The following RBPMS variants were observed in gnomAD, a reference collection of about 807,000 sequenced individuals.
RBPMS encodes RNA-binding protein with multiple splicing.
In RBPMS, 7 loss-of-function variants were observed where a neutral mutation model predicts 26.8. That is an observed-to-expected ratio of 0.26 (90% confidence interval 0.15 to 0.49). The LOEUF is 0.49. RBPMS is among the 20% of genes least tolerant of loss of function. The pLI, the probability that RBPMS is intolerant of heterozygous loss-of-function variation, is 0.98. For missense variants in RBPMS, 186 were observed against 250.0 expected (o/e 0.74, Z 1.73); for synonymous variants, 96 against 93.3 (o/e 1.03, Z -0.17).
At chr8:30,545,289 C>G (rs1010402855) in intron 6 of RBPMS, 12 of 1,200,894 alleles carry the variant, frequency 1.0e-5, no homozygotes, top group Non-Finnish European at 1.3e-5. Flanking sequence ...AAACAAACTT[C>G]CTGTTTCTCC....
chr8:30,529,231 A>T (rs1423849903), intron 5 of RBPMS, among the ~76,000 whole-genome samples: 1 of 152,028 alleles, frequency 6.6e-6, no homozygotes, highest in African/African-American at 2.4e-5. Context: ...AAAAAAAAAA[A>T]TTGTGGTAAA....
chr8:30,563,415 G>A (rs1490311213), intron 7 of RBPMS, among the ~76,000 whole-genome samples: 3 of 152,068 alleles, frequency 2.0e-5, no homozygotes. Context: ...TACATGCAGT[G>A]AGAGTGAGGC....
chr8:30,559,053 C>T, intron 7 of RBPMS, 97 bp downstream of exon 7: 2 of 966,590 alleles, frequency 2.1e-6, no homozygotes, highest in Non-Finnish European at 3.3e-6. Context: ...TTTCTCTGCA[C>T]CCACACCTTA....
intron 1 of RBPMS, among the ~76,000 whole-genome samples, chr8:30,388,243 A>G (rs1007478978): frequency 2.6e-5 from 4 of 151,986 alleles, no homozygotes; most frequent in East Asian, 1.9e-4. Flanking sequence ...ATATTTTACA[A>G]TTGATAAAAT....
At chr8:30,411,376 C>T (rs1342468606) in intron 1 of RBPMS, among the ~76,000 whole-genome samples, 2 of 151,996 alleles carry the variant, frequency 1.3e-5, no homozygotes, top group African/African-American at 4.8e-5. Context: ...TGAGAAATTT[C>T]CCTCTTGGCC....
At chr8:30,559,085 T>C (rs1563452356) in intron 7 of RBPMS, 129 bp downstream of exon 7, 1 of 762,588 alleles carries the variant, frequency 1.3e-6, no homozygotes, top group South Asian at 1.6e-5. Flanking sequence ...TGTCCATCTT[T>C]GTTAAACTCA....
At chr8:30,567,960 G>A (rs1828011980) in intron 8 of RBPMS, among the ~76,000 whole-genome samples, 1 of 152,212 alleles carries the variant, frequency 6.6e-6, no homozygotes, top group African/African-American at 2.4e-5. Context: ...TCAGACAACA[G>A]TGCTTATGTG....
intron 1 of RBPMS, among the ~76,000 whole-genome samples, chr8:30,468,886 G>T (rs2150807982): frequency 7.1e-6 from 1 of 140,794 alleles, no homozygotes; most frequent in East Asian, 2.1e-4. Flanking sequence ...AACACCATGG[G>T]TTTACTCAAG....
intron 1 of RBPMS, 139 bp from the exon 2 acceptor site, chr8:30,474,640 A>G (rs1265323457): frequency 3.3e-6 from 2 of 603,352 alleles, no homozygotes; most frequent in African/African-American, 3.8e-5. Context: ...ACAGTGAAGT[A>G]TTCGTTGTAT....
At chr8:30,557,048 T>C (rs1826992348) in intron 6 of RBPMS, among the ~76,000 whole-genome samples, 1 of 152,204 alleles carries the variant, frequency 6.6e-6, no homozygotes, top group South Asian at 2.1e-4. Context: ...AAATGAGCTT[T>C]GGTACCTGCT....
chr8:30,494,379 G>C (rs920190079), intron 4 of RBPMS, among the ~76,000 whole-genome samples: 1 of 152,210 alleles, frequency 6.6e-6, no homozygotes, highest in East Asian at 1.9e-4. Context: ...CTCCATAGCT[G>C]ATAAGCACTG....
intron 1 of RBPMS, among the ~76,000 whole-genome samples, chr8:30,424,344 G>A (rs1811120356): frequency 6.6e-6 from 1 of 152,182 alleles, no homozygotes; most frequent in African/African-American, 2.4e-5. Context: ...GATAATTATA[G>A]ATCATGCCTC....
At chr8:30,544,789 C>T (rs140459136) in intron 6 of RBPMS, 165 bp downstream of exon 6, 21,384 of 1,578,990 alleles carry the variant, frequency 0.014, 203 homozygotes, top group Middle Eastern at 0.017. Context: ...TCAGGACTGA[C>T]GAGGATCGTC....
intron 1 of RBPMS, among the ~76,000 whole-genome samples, chr8:30,419,440 C>T (rs1810479057): frequency 1.2e-5 from 1 of 81,684 alleles, no homozygotes; most frequent in African/African-American, 5.0e-5. Flanking sequence ...AGTGAGATTG[C>T]ATCTCAAAAA....
chr8:30,519,294 C>T (rs975023009), intron 5 of RBPMS, among the ~76,000 whole-genome samples: 7 of 152,098 alleles, frequency 4.6e-5, no homozygotes, highest in Admixed American at 1.3e-4. Context: ...TCATGTTTAA[C>T]AGTTACCAAG....
At chr8:30,528,774 C>T (rs7013873) in intron 5 of RBPMS, among the ~76,000 whole-genome samples, 27,746 of 152,084 alleles carry the variant, frequency 0.18, 2,796 homozygotes, top group Non-Finnish European at 0.22. Flanking sequence ...GGTTTTAAGC[C>T]AAGTCTGTCA....
At chr8:30,477,486 C>G (rs1303868120) in intron 2 of RBPMS, among the ~76,000 whole-genome samples, 1 of 151,754 alleles carries the variant, frequency 6.6e-6, no homozygotes, top group Non-Finnish European at 1.5e-5. Context: ...TTATCTAGAC[C>G]AAGAAAACAA....
intron 1 of RBPMS, among the ~76,000 whole-genome samples, chr8:30,421,640 A>G (rs560372930): frequency 2.6e-5 from 4 of 152,206 alleles, no homozygotes; most frequent in Non-Finnish European, 5.9e-5. Flanking sequence ...TTAGGTGGAA[A>G]GTATTACACA....
At chr8:30,459,319 C>T (rs1395188422) in intron 1 of RBPMS, among the ~76,000 whole-genome samples, 4 of 151,342 alleles carry the variant, frequency 2.6e-5, no homozygotes, top group South Asian at 2.1e-4. Context: ...ATAATGAGAT[C>T]TCTGTTGCTC....
Sources: allele counts gnomAD v4.1 joint callset (sites outside exome capture counted in the v4.1 genomes callset), GRCh38; gene constraint gnomAD v4.1.1; transcripts MANE v1.5; gene names NCBI Gene and HGNC (gene_info 2026-07-23, HGNC 2026-07-21).